Variants in MTUS2 observed in about 807,000 individuals in gnomAD.
MTUS2 encodes microtubule associated scaffold protein 2, also known as microtubule-associated tumor suppressor candidate 2.
Under a neutral mutation model 114.1 loss-of-function variants are expected in MTUS2, and 40 were observed. That is an observed-to-expected ratio of 0.35 (90% CI 0.27 to 0.46). The LOEUF (loss-of-function observed/expected upper bound fraction) is 0.46. MTUS2 is among the 20% of genes least tolerant of loss of function. MTUS2 has a pLI of 1.00. For synonymous variants in MTUS2, 688 were observed against 672.0 expected (o/e 1.02, Z -0.37); for missense variants, 1,679 against 1,705.4 (o/e 0.98, Z 0.27).
chr13:28,944,716 G>C (rs1882426507), intron 2 of MTUS2, among the ~76,000 whole-genome samples: 1 of 152,134 alleles, frequency 6.6e-6, no homozygotes. Flanking sequence ...TTGGGCTGTG[G>C]GAGTGGTCTG....
In MTUS2 at chr13:28,978,212, G is replaced by A. The variant is rs550127124; in HGVS notation, c.-242-46245G>A. ...AGAAAGTTAAGTGAAATAGGCAAGT[G>A]TCTCAACTACCTAGTGGTGAAAAAT... On this transcript the variant is annotated intron_variant, in intron 2 of 15. Transcript: ENST00000612955. 2.0e-5 allele frequency among the ~76,000 whole-genome samples: 3 copies of A among 152,310 alleles called. No individual in the cohort carries two copies. In the South Asian group the frequency reaches 6.2e-4, roughly 32 times the overall value.
chr13:29,264,493 AT>A (rs1267960566), intron 5 of MTUS2, among the ~76,000 whole-genome samples: 7 of 152,174 alleles, frequency 4.6e-5, no homozygotes, highest in Admixed American at 4.6e-4. Context: ...CACATTTCCC[AT>A]TGGCTCTGCC....
intron 7 of MTUS2, among the ~76,000 whole-genome samples, chr13:29,330,860 A>C (rs1900742501): frequency 6.6e-6 from 1 of 152,204 alleles, no homozygotes; most frequent in South Asian, 2.1e-4. Context: ...GTTTGAAGTC[A>C]GGTAGCGTGA....
At chr13:28,862,300 G>A (rs17072345) in intron 2 of MTUS2, among the ~76,000 whole-genome samples, 1 of 152,142 alleles carries the variant, frequency 6.6e-6, no homozygotes, top group South Asian at 2.1e-4. Context: ...TCAAACATTA[G>A]AAAAGCCAGA....
At chr13:29,161,401 A>G in intron 5 of MTUS2, among the ~76,000 whole-genome samples, 1 of 151,582 alleles carries the variant, frequency 6.6e-6, no homozygotes, top group Non-Finnish European at 1.5e-5. Flanking sequence ...TGATTTGTAT[A>G]AATTATATAA....
At chr13:29,297,938 C>G (rs1899021835) in intron 6 of MTUS2, among the ~76,000 whole-genome samples, 2 of 152,156 alleles carry the variant, frequency 1.3e-5, no homozygotes, top group African/African-American at 4.8e-5. Flanking sequence ...TCAAGTATTC[C>G]TGAAACTTAG....
At chr13:29,213,115 T>G (rs1371952670) in intron 5 of MTUS2, among the ~76,000 whole-genome samples, 1 of 152,268 alleles carries the variant, frequency 6.6e-6, no homozygotes, top group Non-Finnish European at 1.5e-5. Context: ...AAGATTCTTC[T>G]AGCATCCATA....
chr13:29,257,576 A>T (rs1193440910), intron 5 of MTUS2, among the ~76,000 whole-genome samples: 1 of 152,188 alleles, frequency 6.6e-6, no homozygotes, highest in African/African-American at 2.4e-5. Context: ...ATTTGATCTT[A>T]AAAGGAGTTT....
chr13:29,480,485 T>C lies in MTUS2; in HGVS notation c.3399+121T>C. Reference sequence around the variant, plus strand: ...AGGTGAGCTTTCTGAACAGTTCACTTTCTGAGTTGCTTTCTCCTTTCTCCC... The same window carrying C: ...AGGTGAGCTTTCTGAACAGTTCACTCTCTGAGTTGCTTTCTCCTTTCTCCC... On this transcript the variant is annotated intron_variant, in intron 10 of 15. Coordinates refer to ENST00000612955, the MANE Select transcript of MTUS2 (RefSeq NM_001033602.4). This position sits in a 1 kb window ranked among gnomAD's most constrained non-coding sequence, Gnocchi z 4.4. 1 of 1,100,630 alleles carries C rather than the reference T, an allele frequency of 9.1e-7. No individual in the cohort carries two copies. The allele number at this position is 1,100,630 out of a possible 1,614,324, so 68.2% of individuals were successfully genotyped here. A position where few individuals can be genotyped will look rare whatever the true frequency, so the allele number is the denominator to read the frequency against.
rs1428060804 is a variant in MTUS2, at chr13:29,321,362, A to G, written c.2807-3251A>G. Among the ~76,000 whole-genome samples the G allele has an allele frequency of 2.0e-5, 3 of 152,242 alleles. No individual in the cohort carries two copies. The East Asian group carries it at 5.8e-4, about 29-fold the overall frequency. ...GCATTTCTAGACACTCAGGGATCTC[A>G]TTGAGTGAAACGAAAGCTTACCGTG... On this transcript the variant is annotated intron_variant, in intron 6 of 15. Transcript: ENST00000612955.
At chr13:28,838,466 TC>T (rs1411979911) in intron 1 of MTUS2, among the ~76,000 whole-genome samples, 3 of 152,150 alleles carry the variant, frequency 2.0e-5, no homozygotes, top group Non-Finnish European at 4.4e-5. Context: ...AAGTAAATGT[TC>T]CCTTCATTGC....
chr13:29,153,361 C>T (rs1386112722), intron 5 of MTUS2, among the ~76,000 whole-genome samples: 1 of 152,210 alleles, frequency 6.6e-6, no homozygotes, highest in Non-Finnish European at 1.5e-5. Context: ...TAATATATTT[C>T]ACTTAGAAAT....
At chr13:29,077,689 G>C (rs939512631) in intron 4 of MTUS2, among the ~76,000 whole-genome samples, 2 of 152,168 alleles carry the variant, frequency 1.3e-5, no homozygotes, top group African/African-American at 4.8e-5. Context: ...GAATTTTCCA[G>C]AACACCTTGT....
intron 5 of MTUS2, among the ~76,000 whole-genome samples, chr13:29,122,394 A>G (rs1349742682): frequency 1.4e-4 from 22 of 152,144 alleles, no homozygotes. Context: ...GCGGAAGGGG[A>G]AGCAAGCACC....
At chr13:28,990,462 C>G (rs1172660390) in intron 2 of MTUS2, among the ~76,000 whole-genome samples, 1 of 152,026 alleles carries the variant, frequency 6.6e-6, no homozygotes, top group Non-Finnish European at 1.5e-5. Flanking sequence ...TAAAACCACA[C>G]CAATCATCAG....
chr13:29,038,633 G>A (rs780440090), intron 4 of MTUS2, among the ~76,000 whole-genome samples: 2 of 152,224 alleles, frequency 1.3e-5, no homozygotes, highest in African/African-American at 2.4e-5. Flanking sequence ...TGCTGAAGCT[G>A]CACCCACAGC....
At chr13:28,843,076 A>G (rs947160385) in intron 2 of MTUS2, among the ~76,000 whole-genome samples, 1 of 152,136 alleles carries the variant, frequency 6.6e-6, no homozygotes, top group African/African-American at 2.4e-5. Context: ...CTCAAATACT[A>G]TGCATTTTAG....
intron 8 of MTUS2, among the ~76,000 whole-genome samples, chr13:29,383,252 G>GTATATATATATATATTTATT (rs1555271591): frequency 3.7e-5 from 5 of 135,964 alleles, no homozygotes; most frequent in Non-Finnish European, 4.7e-5. Flanking sequence ...GTGTGTGTGT[G>GTATATATATATATATTTATT]TATTTATTTT....
At chr13:29,488,437 C>CT (rs35983023) in intron 11 of MTUS2, among the ~76,000 whole-genome samples, 5,604 of 113,746 alleles carry the variant, frequency 0.049, 209 homozygotes, top group African/African-American at 0.075. Context: ...TTTTTTTCCT[C>CT]TTTTTTTTTT....
Sources: allele counts gnomAD v4.1 joint callset (sites outside exome capture counted in the v4.1 genomes callset), GRCh38; gene constraint gnomAD v4.1.1; non-coding constraint Gnocchi (gnomAD v3.1); transcripts MANE v1.5; gene names NCBI Gene and HGNC (gene_info 2026-07-23, HGNC 2026-07-21).